The following SGCD variants were observed in gnomAD, a reference collection of about 807,000 sequenced individuals.
The protein encoded by SGCD is delta-sarcoglycan.
A neutral mutation model predicts 36.6 loss-of-function variants in SGCD; 18 were observed. The ratio of observed to expected loss-of-function variants is 0.49; its 90% CI spans 0.34 to 0.73. The LOEUF (loss-of-function observed/expected upper bound fraction) is 0.73. Ranked by LOEUF, SGCD falls within the 30% of genes least tolerant of loss-of-function variation. SGCD has a pLI of 0.01. For missense variants in SGCD, 387 were observed against 346.7 expected (o/e 1.12, Z -0.92); for synonymous variants, 133 against 130.6 (o/e 1.02, Z -0.12).
chr5:155,817,400 G>T, the SGCD span, among the ~76,000 whole-genome samples: 1 of 151,108 alleles, frequency 6.6e-6, no homozygotes, highest in Admixed American at 6.6e-5. Context: ...TCTAGGAGCC[G>T]CTTTTCTCGT....
chr5:155,859,018 T>A, the SGCD span, among the ~76,000 whole-genome samples: 24 of 152,062 alleles, frequency 1.6e-4, no homozygotes, highest in African/African-American at 5.3e-4. Flanking sequence ...GTTTACATAT[T>A]TTCTACTGTT....
At chr5:156,547,019 C>G (rs1483779356) in intron 4 of SGCD, among the ~76,000 whole-genome samples, 6 of 152,104 alleles carry the variant, frequency 3.9e-5, no homozygotes, top group Admixed American at 3.9e-4. Flanking sequence ...TCCATCTGTA[C>G]AAATATTTCA....
At chr5:155,836,252 C>A in the SGCD span, among the ~76,000 whole-genome samples, 2 of 152,146 alleles carry the variant, frequency 1.3e-5, no homozygotes, top group African/African-American at 4.8e-5. Context: ...TCATTCCACC[C>A]TGTTCCAGAT....
chr5:156,560,251 C>T (rs1490366267), intron 4 of SGCD, among the ~76,000 whole-genome samples: 1 of 152,148 alleles, frequency 6.6e-6, no homozygotes, highest in African/African-American at 2.4e-5. Context: ...AATGAGATTT[C>T]TTTTTCCTTC....
At chr5:156,572,620 T>G (rs1467907864) in intron 4 of SGCD, among the ~76,000 whole-genome samples, 25 of 152,136 alleles carry the variant, frequency 1.6e-4, no homozygotes, top group Admixed American at 1.6e-3. Context: ...ATTTCTTAAG[T>G]AGACAATTGA....
At chr5:155,926,474 T>A (rs929552878) in intron 1 of SGCD, among the ~76,000 whole-genome samples, 2 of 152,206 alleles carry the variant, frequency 1.3e-5, no homozygotes, top group African/African-American at 4.8e-5. Context: ...AAGAGAGACA[T>A]ACATCTTCTT....
the SGCD span, among the ~76,000 whole-genome samples, chr5:155,785,036 G>T: frequency 2.0e-5 from 3 of 151,652 alleles, no homozygotes; most frequent in African/African-American, 7.3e-5. Flanking sequence ...TCCATCTCTG[G>T]GCACATACCC....
At chr5:156,303,038 T>G (rs1301758006) in intron 3 of SGCD, among the ~76,000 whole-genome samples, 4 of 152,268 alleles carry the variant, frequency 2.6e-5, no homozygotes, top group African/African-American at 9.6e-5. Flanking sequence ...CAGCCAGACT[T>G]TTGTCCTTCC....
intron 1 of SGCD, among the ~76,000 whole-genome samples, chr5:156,096,954 G>C (rs1761392421): frequency 1.3e-5 from 2 of 152,000 alleles, no homozygotes; most frequent in South Asian, 4.2e-4. Context: ...CCTTCCTCAA[G>C]GATATTTTTA....
intron 3 of SGCD, among the ~76,000 whole-genome samples, chr5:156,499,902 C>T (rs1756373311): frequency 1.3e-5 from 2 of 152,126 alleles, no homozygotes; most frequent in African/African-American, 4.8e-5. Context: ...CAGTCTCAAA[C>T]TTTATAATAG....
the SGCD span, among the ~76,000 whole-genome samples, chr5:155,851,048 T>A: frequency 6.6e-6 from 1 of 152,160 alleles, no homozygotes; most frequent in African/African-American, 2.4e-5. Context: ...ATTTTGGGAG[T>A]GCCAGTTGAT....
chr5:156,713,988 C>T (rs928154211), intron 7 of SGCD, among the ~76,000 whole-genome samples: 4 of 152,216 alleles, frequency 2.6e-5, no homozygotes, highest in Non-Finnish European at 5.9e-5. Context: ...GCTCTAGTTT[C>T]CTATTCACTC....
intron 1 of SGCD, among the ~76,000 whole-genome samples, chr5:156,114,488 A>G (rs1276402942): frequency 6.6e-6 from 1 of 152,012 alleles, no homozygotes; most frequent in Non-Finnish European, 1.5e-5. Context: ...AAAATGCCAC[A>G]TTGTGCAACA....
intron 3 of SGCD, among the ~76,000 whole-genome samples, chr5:156,129,801 T>C (rs1183368059): frequency 6.6e-6 from 1 of 152,210 alleles, no homozygotes; most frequent in Non-Finnish European, 1.5e-5. Flanking sequence ...TCATCCATGT[T>C]CCCACATTAA....
chr5:156,278,438 G>C (rs1766373779), intron 3 of SGCD, among the ~76,000 whole-genome samples: 1 of 152,294 alleles, frequency 6.6e-6, no homozygotes, highest in Non-Finnish European at 1.5e-5. Context: ...CTGAACAAGA[G>C]ATGCTGATGA....
intron 1 of SGCD, among the ~76,000 whole-genome samples, chr5:156,005,375 A>G (rs1758735779): frequency 6.6e-6 from 1 of 152,210 alleles, no homozygotes; most frequent in Non-Finnish European, 1.5e-5. Context: ...AAAGGAGGAA[A>G]TCAAATCATG....
At chr5:156,208,239 G>C (rs1303496842) in intron 3 of SGCD, among the ~76,000 whole-genome samples, 2 of 152,176 alleles carry the variant, frequency 1.3e-5, no homozygotes, top group Non-Finnish European at 2.9e-5. Flanking sequence ...GCCCAGTTTT[G>C]CCTGTCTTCA....
At chr5:156,457,686 A>G (rs767219664) in intron 3 of SGCD, among the ~76,000 whole-genome samples, 25 of 152,202 alleles carry the variant, frequency 1.6e-4, no homozygotes, top group Non-Finnish European at 2.8e-4. Context: ...AAGATATGAA[A>G]GCTGAATCCT....
At chr5:156,287,519 T>C (rs1766639521) in intron 3 of SGCD, among the ~76,000 whole-genome samples, 1 of 151,754 alleles carries the variant, frequency 6.6e-6, no homozygotes, top group Non-Finnish European at 1.5e-5. Context: ...TGGAAAGAAA[T>C]AGGTGGTAGG....
Sources: gnomAD v4.1 joint callset for allele counts (sites outside exome capture counted in the v4.1 genomes callset) on GRCh38, gnomAD v4.1.1 for gene constraint, MANE v1.5 for transcripts, NCBI Gene and HGNC (gene_info 2026-07-23, HGNC 2026-07-21) for gene names.